The following NFIB variants were observed in gnomAD, a reference collection of about 807,000 sequenced individuals.
NFIB encodes nuclear factor I B.
A neutral mutation model predicts 61.5 loss-of-function variants in NFIB; 11 were observed. The observed-to-expected ratio is 0.18, with a 90% CI of 0.11 to 0.30. The LOEUF (loss-of-function observed/expected upper bound fraction) is 0.30. NFIB is among the 10% of genes least tolerant of loss of function. The probability of loss-of-function intolerance (pLI) is 1.00; values close to 1 mark genes in which losing one functional copy is unlikely to be tolerated. For missense variants in NFIB, 471 were observed against 608.9 expected (o/e 0.77, Z 2.38); for synonymous variants, 260 against 216.5 (o/e 1.20, Z -1.76).
intron 1 of NFIB, chr9:14,322,219 T>A (rs1383134144): frequency 6.0e-6 from 5 of 834,260 alleles, no homozygotes; most frequent in Non-Finnish European, 7.9e-6. Context: ...CCCTTCAGTC[T>A]GTCTGGATTT....
At chr9:14,315,620 G>A (rs1269954362), upstream of NFIB, among the ~76,000 whole-genome samples, 3 of 147,702 alleles carry the variant, frequency 2.0e-5, no homozygotes, top group East Asian at 6.1e-4. Context: ...CGCCCGCGCC[G>A]GCTCCCCACC....
chr9:14,140,339 A>G (rs1021665150), intron 6 of NFIB, among the ~76,000 whole-genome samples: 12 of 152,172 alleles, frequency 7.9e-5, no homozygotes, highest in Non-Finnish European at 7.4e-5. Context: ...TCTTGAGATT[A>G]TATCATTTGT....
chr9:14,269,903 C>T (rs1017986697), intron 2 of NFIB, among the ~76,000 whole-genome samples: 4 of 152,066 alleles, frequency 2.6e-5, no homozygotes, highest in African/African-American at 4.8e-5. Context: ...AACTACAGAG[C>T]GGCAAGGAAG....
intron 2 of NFIB, among the ~76,000 whole-genome samples, chr9:14,306,419 T>G (rs1440895270): frequency 6.6e-6 from 1 of 152,230 alleles, no homozygotes; most frequent in Admixed American, 6.5e-5. Flanking sequence ...AATATTAAAA[T>G]TAAGTAAATC....
At chr9:14,319,997 A>G (rs570467573) in intron 1 of NFIB, among the ~76,000 whole-genome samples, 1 of 152,258 alleles carries the variant, frequency 6.6e-6, no homozygotes, top group African/African-American at 2.4e-5. Flanking sequence ...CAAGCCAATA[A>G]ATTTCAAAGC....
At chr9:14,088,689 C>A (rs1279578947) in intron 10 of NFIB, among the ~76,000 whole-genome samples, 1 of 152,188 alleles carries the variant, frequency 6.6e-6, no homozygotes, top group Non-Finnish European at 1.5e-5. Flanking sequence ...AGAAAAGCAG[C>A]AATCTGTTGG....
At chr9:14,464,343 A>C in the NFIB span, among the ~76,000 whole-genome samples, 1 of 152,320 alleles carries the variant, frequency 6.6e-6, no homozygotes, top group South Asian at 2.1e-4. Flanking sequence ...TTGTAAACCC[A>C]GTGCATGACA....
chr9:14,162,931 G>A (rs2044363577), intron 3 of NFIB, among the ~76,000 whole-genome samples: 1 of 151,954 alleles, frequency 6.6e-6, no homozygotes, highest in Admixed American at 6.6e-5. Flanking sequence ...TTTAATGGAT[G>A]TGGAAGGTAT....
chr9:14,458,143 G>T, the NFIB span, among the ~76,000 whole-genome samples: 2 of 152,202 alleles, frequency 1.3e-5, no homozygotes, highest in Non-Finnish European at 2.9e-5. Flanking sequence ...ACCAAATCCA[G>T]CAGCACATCA....
chr9:14,359,506 C>G (rs1428997673), intron 1 of NFIB, among the ~76,000 whole-genome samples: 1 of 152,160 alleles, frequency 6.6e-6, no homozygotes, highest in Non-Finnish European at 1.5e-5. Flanking sequence ...AAAATCTCCC[C>G]CAGAGCTTCC....
At chr9:14,092,863 T>G (rs111406794) in intron 10 of NFIB, among the ~76,000 whole-genome samples, 140 of 152,172 alleles carry the variant, frequency 9.2e-4, no homozygotes, top group African/African-American at 3.3e-3. Context: ...TGTCTTATCC[T>G]GGATAAACTG....
chr9:14,311,992 T>C (rs80326014), intron 1 of NFIB, among the ~76,000 whole-genome samples: 2,330 of 152,360 alleles, frequency 0.015, 32 homozygotes, highest in Non-Finnish European at 0.025. Context: ...TCATATTTAT[T>C]GGCTATTATC....
chr9:14,278,122 A>G (rs1400420953), intron 2 of NFIB, among the ~76,000 whole-genome samples: 1 of 152,188 alleles, frequency 6.6e-6, no homozygotes, highest in Non-Finnish European at 1.5e-5. Flanking sequence ...CATCCTGATG[A>G]CCAGTATGTC....
At chr9:14,350,033 C>T (rs967209778) in intron 1 of NFIB, among the ~76,000 whole-genome samples, 6 of 152,176 alleles carry the variant, frequency 3.9e-5, no homozygotes, top group African/African-American at 1.4e-4. Context: ...TTGCCCTTCA[C>T]CAGGCACGCA....
chr9:14,239,079 G>A (rs1457109968), intron 2 of NFIB, among the ~76,000 whole-genome samples: 1 of 152,188 alleles, frequency 6.6e-6, no homozygotes, highest in Non-Finnish European at 1.5e-5. Context: ...AGAGCAGTCG[G>A]TAATATGCCC....
At chr9:14,164,512 T>C (rs2044563840) in intron 3 of NFIB, among the ~76,000 whole-genome samples, 1 of 152,154 alleles carries the variant, frequency 6.6e-6, no homozygotes, top group African/African-American at 2.4e-5. Flanking sequence ...TATAATCTTA[T>C]GGGACCACTG....
intron 2 of NFIB, among the ~76,000 whole-genome samples, chr9:14,188,357 A>G (rs965659432): frequency 1.3e-5 from 2 of 152,190 alleles, no homozygotes; most frequent in Non-Finnish European, 2.9e-5. Flanking sequence ...GCATACTTAA[A>G]AATATACATT....
chr9:14,181,603 T>C (rs2046784464), intron 2 of NFIB, among the ~76,000 whole-genome samples: 1 of 152,240 alleles, frequency 6.6e-6, no homozygotes, highest in African/African-American at 2.4e-5. Context: ...TGATAAATCA[T>C]AACTTTTTGC....
At chr9:14,201,387 T>A (rs1386421904) in intron 2 of NFIB, among the ~76,000 whole-genome samples, 1 of 152,202 alleles carries the variant, frequency 6.6e-6, no homozygotes, top group East Asian at 1.9e-4. Flanking sequence ...CTTCCTAATA[T>A]TCTTCTTAAC....
Sources: allele counts gnomAD v4.1 joint callset (sites outside exome capture counted in the v4.1 genomes callset), GRCh38; gene constraint gnomAD v4.1.1; transcripts MANE v1.5; gene names NCBI Gene and HGNC (gene_info 2026-07-23, HGNC 2026-07-21).